Variants in GNB4 observed in about 807,000 individuals in gnomAD.
GNB4 encodes the protein guanine nucleotide-binding protein subunit beta-4.
Under a neutral mutation model 45.2 loss-of-function variants are expected in GNB4, and 28 were observed. The observed-to-expected ratio is 0.62, with a 90% CI of 0.46 to 0.85. The LOEUF is 0.85. GNB4 is among the 40% of genes least tolerant of loss of function. GNB4 has a pLI of 0.00. For synonymous variants in GNB4, 132 were observed against 143.7 expected (o/e 0.92, Z 0.58); for missense variants, 321 against 425.4 (o/e 0.75, Z 2.16).
At chr3:179,472,190 A>T in the GNB4 span, among the ~76,000 whole-genome samples, 1 of 152,142 alleles carries the variant, frequency 6.6e-6, no homozygotes, top group Non-Finnish European at 1.5e-5. Context: ...ATACAAAAAC[A>T]TGTATATAGC....
At chr3:179,402,808 G>A (rs1004357692) in intron 9 of GNB4, among the ~76,000 whole-genome samples, 1 of 152,176 alleles carries the variant, frequency 6.6e-6, no homozygotes, top group African/African-American at 2.4e-5. Context: ...AGATTGTGCT[G>A]GAAAGTGTTC....
At chr3:179,505,169 C>G in the GNB4 span, among the ~76,000 whole-genome samples, 1 of 152,136 alleles carries the variant, frequency 6.6e-6, no homozygotes, top group Non-Finnish European at 1.5e-5. Flanking sequence ...TATACCAATA[C>G]GGCATCAGTA....
At chr3:179,484,693 C>T in the GNB4 span, among the ~76,000 whole-genome samples, 1 of 151,818 alleles carries the variant, frequency 6.6e-6, no homozygotes, top group East Asian at 1.9e-4. Flanking sequence ...TTCCTAAGTG[C>T]AGGAAATCTG....
chr3:179,518,068 A>G, the GNB4 span, among the ~76,000 whole-genome samples: 2 of 151,588 alleles, frequency 1.3e-5, no homozygotes, highest in South Asian at 4.2e-4. Flanking sequence ...TTTTCTCTGG[A>G]CTTGCCTCCT....
rs1714716601 is a variant in GNB4, at chr3:179,413,741, A to C, written c.471T>G (p.Ile157Met). The C allele has an allele frequency of 6.2e-7, 1 of 1,614,114 alleles. No homozygotes were observed. Among genetic ancestry groups the C allele is most frequent in the Admixed American group, 1.7e-5 (1 of 60,010 alleles). ...AAGTTGTATCTCCTGAACTTGTAAC[A>C]ATTTGGCTGTCATCTAAAAAACGAC... The part of the protein sequence containing the change: ...SCCRFLDDSQ[I>M]VTSSGDTTCA... Residue 157 changes from isoleucine (I) to methionine (M), a missense_variant, in exon 7 of 10, where the codon ATT becomes ATG. By Grantham distance (10) the Ile-to-Met change is conservative (BLOSUM62 1). Coordinates refer to ENST00000232564, the MANE Select transcript of GNB4 (RefSeq NM_021629.4).
the GNB4 span, among the ~76,000 whole-genome samples, chr3:179,468,035 A>AAAAAAAAAAAAAATAT: frequency 2.8e-4 from 25 of 89,866 alleles, 1 homozygote; most frequent in South Asian, 4.5e-4. Flanking sequence ...TGTTGATAAA[A>AAAAAAAAAAAAAATAT]ATATATATAT....
the GNB4 span, among the ~76,000 whole-genome samples, chr3:179,525,411 G>A: frequency 6.6e-6 from 1 of 152,152 alleles, no homozygotes; most frequent in East Asian, 1.9e-4. Context: ...GAGGGTGGAA[G>A]GTTGCCCATA....
the GNB4 span, among the ~76,000 whole-genome samples, chr3:179,459,291 C>CTA: frequency 9.2e-5 from 14 of 152,290 alleles, 1 homozygote; most frequent in Middle Eastern, 6.8e-3. Context: ...TGCGACTCTC[C>CTA]TATATTCAAT....
At chr3:179,412,761 T>C (rs1714686662) in intron 8 of GNB4, among the ~76,000 whole-genome samples, 1 of 151,748 alleles carries the variant, frequency 6.6e-6, no homozygotes, top group Non-Finnish European at 1.5e-5. Flanking sequence ...TTCACTTTGG[T>C]CCCAGAAAGA....
At chr3:179,500,889 T>C in the GNB4 span, among the ~76,000 whole-genome samples, 1 of 152,228 alleles carries the variant, frequency 6.6e-6, no homozygotes, top group African/African-American at 2.4e-5. Context: ...CTGTCTGTTA[T>C]TGGTGTACAG....
chr3:179,513,639 A>G, the GNB4 span, among the ~76,000 whole-genome samples: 2 of 151,814 alleles, frequency 1.3e-5, no homozygotes, highest in South Asian at 4.2e-4. Context: ...CTCCTTTTTT[A>G]TTTTCTTGTT....
At chr3:179,434,686 A>ACT (rs2108611938) in intron 1 of GNB4, among the ~76,000 whole-genome samples, 1 of 151,580 alleles carries the variant, frequency 6.6e-6, no homozygotes, top group African/African-American at 2.4e-5. Flanking sequence ...ACACCCCTCC[A>ACT]CTCCAGCCTG....
At chr3:179,527,289 A>G in the GNB4 span, among the ~76,000 whole-genome samples, 2 of 152,186 alleles carry the variant, frequency 1.3e-5, no homozygotes, top group South Asian at 4.1e-4. Context: ...AGAAAGGATG[A>G]AAAAGGTGCT....
intron 4 of GNB4, among the ~76,000 whole-genome samples, chr3:179,417,015 T>C (rs1300318883): frequency 6.6e-6 from 1 of 152,146 alleles, no homozygotes; most frequent in Admixed American, 6.5e-5. Context: ...CTCTACCATC[T>C]GGTGAAGATA....
At chr3:179,479,368 G>T in the GNB4 span, among the ~76,000 whole-genome samples, 3 of 152,024 alleles carry the variant, frequency 2.0e-5, no homozygotes, top group South Asian at 2.1e-4. Flanking sequence ...CTTTCTGTCT[G>T]CCCCTGAAAT....
Position 179,401,324 on chromosome 3 carries a change from A to G in GNB4, c.917-5T>C, listed in dbSNP as rs938943088. ...TGTCATGACCAGCAAGGACACCTGA[A>G]AAAAAAATTCAGTAAAAAATTGGCA... On this transcript the variant is annotated splice_polypyrimidine_tract_variant and splice_region_variant and intron_variant, in intron 9 of 9. Transcript: ENST00000232564. The G allele has an allele frequency of 1.0e-5, 16 of 1,604,280 alleles. No individual in the cohort carries two copies. In the African/African-American group the frequency reaches 2.1e-4, roughly 22 times the overall value.
the GNB4 span, among the ~76,000 whole-genome samples, chr3:179,458,826 T>C: frequency 6.6e-6 from 1 of 152,240 alleles, no homozygotes; most frequent in African/African-American, 2.4e-5. Context: ...ATGCAGAAGA[T>C]ATGGAAGGCT....
At chr3:179,473,507 C>T in the GNB4 span, among the ~76,000 whole-genome samples, 2 of 151,890 alleles carry the variant, frequency 1.3e-5, no homozygotes, top group Non-Finnish European at 2.9e-5. Context: ...ATGATAATAG[C>T]TCAATGAAGG....
chr3:179,517,390 C>T, the GNB4 span, among the ~76,000 whole-genome samples: 49 of 152,196 alleles, frequency 3.2e-4, no homozygotes, highest in East Asian at 9.7e-4. Flanking sequence ...ACTGTCTTTT[C>T]GGACTCAGCC....
Sources: allele counts gnomAD v4.1 joint callset (sites outside exome capture counted in the v4.1 genomes callset), GRCh38; gene constraint gnomAD v4.1.1; transcripts MANE v1.5; gene names NCBI Gene and HGNC (gene_info 2026-07-23, HGNC 2026-07-21).